The following MEF2C variants were observed in gnomAD, a reference collection of about 807,000 sequenced individuals.
MEF2C encodes the protein myocyte enhancer factor 2C.
MEF2C carries 6 observed loss-of-function variants against 50.5 expected under a neutral mutation model. That is an observed-to-expected ratio of 0.12 (90% confidence interval 0.07 to 0.23). MEF2C has a LOEUF of 0.23. MEF2C is among the 10% of genes least tolerant of loss of function. The probability of loss-of-function intolerance (pLI) is 1.00; values close to 1 mark genes in which losing one functional copy is unlikely to be tolerated. For missense variants in MEF2C, 276 were observed against 605.0 expected (o/e 0.46, Z 5.70); for synonymous variants, 183 against 228.0 (o/e 0.80, Z 1.78).
At chr5:88,863,703 G>A (rs1826263943) in intron 1 of MEF2C, among the ~76,000 whole-genome samples, 4 of 151,942 alleles carry the variant, frequency 2.6e-5, no homozygotes, top group African/African-American at 9.7e-5. Flanking sequence ...TGTAAATTCA[G>A]CTTTTAACAC....
intron 5 of MEF2C, chr5:88,750,207 ATTT>A (rs747771242): frequency 3.6e-4 from 140 of 384,026 alleles, no homozygotes; most frequent in South Asian, 4.4e-4. Flanking sequence ...TATATACACG[ATTT>A]TTTTTTTTTT....
intron 1 of MEF2C, among the ~76,000 whole-genome samples, chr5:88,860,416 A>G (rs926727510): frequency 3.3e-5 from 5 of 151,484 alleles, no homozygotes; most frequent in African/African-American, 9.7e-5. Flanking sequence ...GGATTTGTCC[A>G]TTCTCTATTT....
intron 5 of MEF2C, chr5:88,749,400 G>A: frequency 1.0e-6 from 1 of 985,038 alleles, no homozygotes; most frequent in Non-Finnish European, 1.2e-6. Flanking sequence ...CTAAGTCTAG[G>A]TTTTCCCTAA....
chr5:88,783,534 G>A (rs1391404287), intron 3 of MEF2C, among the ~76,000 whole-genome samples: 1 of 152,194 alleles, frequency 6.6e-6, no homozygotes, highest in Non-Finnish European at 1.5e-5. Flanking sequence ...TCGGGAGGCT[G>A]AGGAAGAATT....
At chr5:88,864,283 G>A (rs1407687044) in intron 1 of MEF2C, among the ~76,000 whole-genome samples, 1 of 151,354 alleles carries the variant, frequency 6.6e-6, no homozygotes, top group Non-Finnish European at 1.5e-5. Flanking sequence ...TACATGTGTG[G>A]AAATATCACA....
At chr5:88,869,158 T>C (rs946986731) in intron 1 of MEF2C, among the ~76,000 whole-genome samples, 1 of 150,822 alleles carries the variant, frequency 6.6e-6, no homozygotes, top group African/African-American at 2.4e-5. Context: ...TATTGCTGGA[T>C]TTGTCTATGT....
chr5:88,763,946 C>T (rs1035353774), intron 3 of MEF2C, among the ~76,000 whole-genome samples: 3 of 152,178 alleles, frequency 2.0e-5, no homozygotes, highest in African/African-American at 7.2e-5. Flanking sequence ...GCCATGGCAC[C>T]CTGCCAATAA....
chr5:88,827,853 C>T (rs560312446), intron 1 of MEF2C, among the ~76,000 whole-genome samples: 6 of 147,976 alleles, frequency 4.1e-5, no homozygotes, highest in South Asian at 2.1e-4. Context: ...TTATGAAAAC[C>T]GGCAAAAAAA....
chr5:88,730,199 C>A lies in MEF2C; in HGVS notation c.834+12G>T. ...GCACATGCCATTTGAGGGAAGCGCT[C>A]TCACCACTTACCAAAAGCAGGTCGA... On this transcript the variant is annotated intron_variant, in intron 8 of 10. Transcript: ENST00000504921. 6.3e-7 allele frequency: 1 copy of A among 1,581,848 alleles called. No individual in the cohort carries two copies. Among genetic ancestry groups the A allele is most frequent in the Admixed American group, 1.8e-5 (1 of 55,540 alleles).
intron 2 of MEF2C, among the ~76,000 whole-genome samples, chr5:88,816,465 CTTTTTTTTTTT>C (rs70996497): frequency 4.6e-5 from 4 of 86,134 alleles, no homozygotes; most frequent in Non-Finnish European, 8.8e-5. Context: ...CTGCCTACTG[CTTTTTTTTTTT>C]TTTTTTTTTT....
intron 3 of MEF2C, among the ~76,000 whole-genome samples, chr5:88,769,648 A>AGTTGTT (rs201294184): frequency 6.6e-6 from 1 of 152,116 alleles, no homozygotes; most frequent in Non-Finnish European, 1.5e-5. Context: ...CTATAGCTAT[A>AGTTGTT]GTTGTTGTTG....
rs937519642 is a variant in MEF2C at position 88,751,994 on chromosome 5, C to T, written c.452G>A (p.Ser151Asn). 1 of 1,613,380 alleles carries T rather than the reference C, an allele frequency of 6.2e-7. No individual in the cohort carries two copies. Among genetic ancestry groups the T allele is most frequent in the Non-Finnish European group, 8.5e-7 (1 of 1,179,622 alleles). ...FEMPVSIPVSSHNSLVYSNPV... is the reference protein window; with the variant it reads ...FEMPVSIPVSNHNSLVYSNPV... ...GTTGCTGTACACCAAACTGTTGTGGCTGGACACTGGGATGGAGACTGGCAT... is the reference window on the plus strand; with the variant it reads ...GTTGCTGTACACCAAACTGTTGTGGTTGGACACTGGGATGGAGACTGGCAT... The change falls in exon 5 of 11, where the codon AGC becomes AAC. Residue 151 changes from serine to asparagine, a missense_variant. Transcript: ENST00000504921.
chr5:88,748,984 T>G, intron 6 of MEF2C, 86 bp downstream of exon 6: 2 of 1,548,042 alleles, frequency 1.3e-6, no homozygotes, highest in Non-Finnish European at 1.7e-6. Context: ...CTTAACTTTA[T>G]TTGTTCAAAA....
At chr5:88,786,538 T>G (rs976320546) in intron 3 of MEF2C, among the ~76,000 whole-genome samples, 2 of 152,176 alleles carry the variant, frequency 1.3e-5, no homozygotes, top group African/African-American at 2.4e-5. Flanking sequence ...TTATTAAGCT[T>G]AAAGGCAATG....
intron 2 of MEF2C, among the ~76,000 whole-genome samples, chr5:88,806,864 G>A (rs1800661175): frequency 6.6e-6 from 1 of 152,168 alleles, no homozygotes; most frequent in Non-Finnish European, 1.5e-5. Context: ...AAGGGTATAT[G>A]CCGTTTTTAT....
At chr5:88,841,630 A>G (rs1374489827) in intron 1 of MEF2C, among the ~76,000 whole-genome samples, 5 of 152,162 alleles carry the variant, frequency 3.3e-5, no homozygotes, top group African/African-American at 9.7e-5. Context: ...AATGGATTCC[A>G]TAAGTCACAC....
chr5:88,736,176 G>A (rs1202854732), intron 6 of MEF2C: 10 of 985,100 alleles, frequency 1.0e-5, no homozygotes, highest in Non-Finnish European at 1.2e-5. Flanking sequence ...CTTAGCTTTG[G>A]CTTCCATCAC....
At chr5:88,732,684 T>A (rs1762219271) in intron 6 of MEF2C, 1 of 152,024 alleles carries the variant, frequency 6.6e-6, no homozygotes, top group Admixed American at 6.5e-5. Context: ...TATCCCAAGG[T>A]CTGCGTTTTT....
intron 4 of MEF2C, chr5:88,752,872 T>C (rs1773472782): frequency 5.6e-6 from 3 of 535,706 alleles, no homozygotes; most frequent in African/African-American, 2.1e-5. Flanking sequence ...AGGAACATAA[T>C]TGTAGCTACT....
Sources: allele counts gnomAD v4.1 joint callset (sites outside exome capture counted in the v4.1 genomes callset), GRCh38; gene constraint gnomAD v4.1.1; transcripts MANE v1.5; gene names NCBI Gene and HGNC (gene_info 2026-07-23, HGNC 2026-07-21).